Variants in PYY observed in about 807,000 individuals in gnomAD.
PYY encodes peptide YY.
A neutral mutation model predicts 10.3 loss-of-function variants in PYY; 12 were observed. The ratio of observed to expected loss-of-function variants is 1.17; its 90% CI spans 0.75 to 1.89. The LOEUF (loss-of-function observed/expected upper bound fraction) is 1.89, where lower values mean the gene tolerates loss of function less well. Ranked by LOEUF, PYY falls within the 40% of genes most tolerant of loss-of-function variation. The pLI is 0.00. For synonymous variants in PYY, 66 were observed against 62.0 expected, an observed-to-expected ratio of 1.06 and a Z score of -0.30; for missense variants, 141 against 134.0, an observed-to-expected ratio of 1.05 and a Z score of -0.26.
At chr17:43,963,590 G>GAAAGA (rs1555617087) in intron 2 of PYY, among the ~76,000 whole-genome samples, 2 of 64,706 alleles carry the variant, frequency 3.1e-5, no homozygotes, top group African/African-American at 1.0e-4. Context: ...AAGAAAGAAA[G>GAAAGA]AAAGAAAGAA....
chr17:43,953,240 T>C, intron 2 of PYY, 51 bp from the exon 3 acceptor site: 1 of 1,608,252 alleles, frequency 6.2e-7, no homozygotes, highest in Non-Finnish European at 8.5e-7. Context: ...CGCCCCCAGG[T>C]GGAGCGGGGC....
intron 1 of PYY, among the ~76,000 whole-genome samples, chr17:43,993,742 CA>C (rs2048972914): frequency 6.6e-6 from 1 of 151,978 alleles, no homozygotes; most frequent in African/African-American, 2.4e-5. Context: ...AGAAATAGAC[CA>C]AAAGCAAACT....
upstream of PYY, among the ~76,000 whole-genome samples, chr17:43,958,883 A>G (rs1327534305): frequency 6.6e-6 from 1 of 152,198 alleles, no homozygotes; most frequent in Non-Finnish European, 1.5e-5. Context: ...AACTGATGAA[A>G]TATGAGTGCA....
intron 1 of PYY, among the ~76,000 whole-genome samples, chr17:43,970,966 C>T (rs577406240): frequency 3.9e-5 from 6 of 152,228 alleles, no homozygotes; most frequent in Admixed American, 2.6e-4. Flanking sequence ...ACTCAGTTAC[C>T]CATTGAAAGA....
chr17:43,984,054 G>A (rs2048900173), intron 1 of PYY, among the ~76,000 whole-genome samples: 1 of 152,226 alleles, frequency 6.6e-6, no homozygotes, highest in Admixed American at 6.5e-5. Context: ...GGCCGCCGGA[G>A]GCCCTTATCG....
chr17:43,973,984 C>T (rs1365053031), intron 1 of PYY, among the ~76,000 whole-genome samples: 1 of 152,016 alleles, frequency 6.6e-6, no homozygotes, highest in African/African-American at 2.4e-5. Context: ...TGTCTGTGCA[C>T]GGACAAGTGG....
chr17:44,001,196 G>A (rs939550030), intron 1 of PYY, among the ~76,000 whole-genome samples: 11 of 152,144 alleles, frequency 7.2e-5, no homozygotes, highest in African/African-American at 2.4e-4. Flanking sequence ...GCTGGGCTGA[G>A]ATGCGGCCAA....
intron 2 of PYY, among the ~76,000 whole-genome samples, chr17:43,960,314 G>A (rs1336474736): frequency 6.6e-6 from 1 of 151,656 alleles, no homozygotes; most frequent in Non-Finnish European, 1.5e-5. Context: ...AGGCCAAGGC[G>A]GGTGGGTCAC....
chr17:43,985,878 C>CA (rs796370639), intron 1 of PYY, among the ~76,000 whole-genome samples: 2 of 151,810 alleles, frequency 1.3e-5, no homozygotes, highest in African/African-American at 2.4e-5. Context: ...AAGCAGAATA[C>CA]AAAAAAATAC....
At chr17:43,976,169 ATATATGTATATATACG>A (rs1160907646) in intron 1 of PYY, among the ~76,000 whole-genome samples, 1,279 of 92,640 alleles carry the variant, frequency 0.014, 151 homozygotes, top group African/African-American at 0.087. Flanking sequence ...ACATGCATGC[ATATATGTATATATACG>A]TATATGTATA....
intron 2 of PYY, among the ~76,000 whole-genome samples, chr17:43,959,251 A>T (rs2048695736): frequency 6.6e-6 from 1 of 152,256 alleles, no homozygotes; most frequent in African/African-American, 2.4e-5. Context: ...TGACTTTTTC[A>T]AAACACTGGT....
chr17:43,977,508 C>T (rs2048856944), intron 1 of PYY, among the ~76,000 whole-genome samples: 1 of 152,104 alleles, frequency 6.6e-6, no homozygotes, highest in South Asian at 2.1e-4. Flanking sequence ...GGTGTTCCGG[C>T]ACCTGCCCGC....
intron 2 of PYY, among the ~76,000 whole-genome samples, chr17:43,965,816 A>AAAAAAAAG (rs1555617405): frequency 2.5e-4 from 35 of 142,690 alleles, no homozygotes; most frequent in African/African-American, 8.3e-4. Flanking sequence ...AAAAAAAAAA[A>AAAAAAAAG]AGAGAGAGAA....
At chr17:43,981,527 T>C (rs1004713478) in intron 1 of PYY, among the ~76,000 whole-genome samples, 1 of 152,156 alleles carries the variant, frequency 6.6e-6, no homozygotes, top group Admixed American at 6.5e-5. Context: ...TCTCACTCTG[T>C]CGCCCAGGCT....
chr17:43,992,139 A>AAG (rs1447515228), intron 1 of PYY, among the ~76,000 whole-genome samples: 1 of 151,710 alleles, frequency 6.6e-6, no homozygotes, highest in African/African-American at 2.4e-5. Context: ...AAAAAAAAAA[A>AAG]AAACCTTTAC....
chr17:43,999,553 G>A (rs1005252836), intron 1 of PYY, among the ~76,000 whole-genome samples: 1 of 151,986 alleles, frequency 6.6e-6, no homozygotes, highest in African/African-American at 2.4e-5. Flanking sequence ...GATCACCTAA[G>A]TTCAGGAGTT....
At chr17:44,000,705 C>A (rs1212662417) in intron 1 of PYY, among the ~76,000 whole-genome samples, 1 of 151,600 alleles carries the variant, frequency 6.6e-6, no homozygotes, top group Non-Finnish European at 1.5e-5. Context: ...TCAGCCACCA[C>A]ACCTGGCTAA....
At chr17:43,955,202 G>A (rs564240715), upstream of PYY, among the ~76,000 whole-genome samples, 115 of 152,298 alleles carry the variant, frequency 7.6e-4, no homozygotes, top group African/African-American at 2.8e-3. Context: ...CTGCCCAGGA[G>A]GAGAAAGGGC....
intron 1 of PYY, among the ~76,000 whole-genome samples, chr17:44,003,609 C>A (rs978983171): frequency 5.7e-5 from 8 of 140,816 alleles, no homozygotes; most frequent in Non-Finnish European, 1.1e-4. Flanking sequence ...GAGCCGAGAT[C>A]GCAACACTGC....
Sources: gnomAD v4.1 joint callset for allele counts (sites outside exome capture counted in the v4.1 genomes callset) on GRCh38, gnomAD v4.1.1 for gene constraint, MANE v1.5 for transcripts, NCBI Gene and HGNC (gene_info 2026-07-23, HGNC 2026-07-21) for gene names.